The following OS9 variants were observed in gnomAD, a reference collection of about 807,000 sequenced individuals.
OS9 encodes the protein OS9 endoplasmic reticulum lectin.
In OS9, 58 loss-of-function variants were observed where a neutral mutation model predicts 84.7. That is an observed-to-expected ratio of 0.68 (90% CI 0.55 to 0.85). The LOEUF is 0.85. Ranked by LOEUF, OS9 falls within the 40% of genes least tolerant of loss-of-function variation. The pLI, the probability that OS9 is intolerant of heterozygous loss-of-function variation, is 0.00. For synonymous variants in OS9, 278 were observed against 320.8 expected, an observed-to-expected ratio of 0.87 and a Z score of 1.43; for missense variants, 760 against 850.9, an observed-to-expected ratio of 0.89 and a Z score of 1.33.
intron 5 of OS9, among the ~76,000 whole-genome samples, chr12:57,708,353 C>T (rs369233754): frequency 2.0e-5 from 3 of 151,848 alleles, no homozygotes; most frequent in East Asian, 3.9e-4. Flanking sequence ...TTACTTGGGC[C>T]AGGTGTGGTG....
intron 5 of OS9, 37 bp downstream of exon 5, chr12:57,696,410 G>GGACA (rs1351628237): frequency 5.7e-6 from 5 of 876,046 alleles, no homozygotes; most frequent in Non-Finnish European, 8.4e-6. Context: ...ACTCCCACAG[G>GGACA]GACAGTTCAG....
At chr12:57,695,692 G>A (rs1953805757) in intron 2 of OS9, 88 bp from the exon 3 acceptor site, 2 of 824,974 alleles carry the variant, frequency 2.4e-6, no homozygotes, top group Admixed American at 3.4e-5. Flanking sequence ...GTAGATGAGA[G>A]GTTATGTGTC....
intron 5 of OS9, among the ~76,000 whole-genome samples, chr12:57,702,659 A>T (rs566209482): frequency 5.3e-5 from 8 of 152,334 alleles, no homozygotes; most frequent in Admixed American, 5.2e-4. Flanking sequence ...ACTGTTTTCC[A>T]TAGCAGTTGC....
chr12:57,696,470 G>T (rs1953847493), intron 5 of OS9, 97 bp downstream of exon 5: 3 of 471,562 alleles, frequency 6.4e-6, no homozygotes, highest in East Asian at 7.1e-5. Flanking sequence ...GGGCGGGGGG[G>T]GTCCCCTCCC....
rs1282403097 is a variant in OS9, at chr12:57,720,121, C to A, written c.1623C>A (p.Val541=). The A allele has an allele frequency of 1.2e-6, 2 of 1,613,902 alleles. No homozygotes were observed. Among genetic ancestry groups the A allele is most frequent in the Non-Finnish European group, 1.7e-6 (2 of 1,180,008 alleles). ...AAGAGGAGGATCCTGAGCACAGAGT[C>A]CGGGTCCGGGTCACCAAGCTCCGTC... ...QPTEEDPEHR[V]RVRVTKLRLG... Residue 541 remains valine, a synonymous_variant, in exon 13 of 15, where the codon GTC becomes GTA. Coordinates refer to ENST00000315970, the MANE Select transcript of OS9 (RefSeq NM_006812.4).
Position 57,694,389 on chromosome 12 carries a change from G to A in OS9, c.162+66G>A, listed in dbSNP as rs1170767370. 29 of 1,535,112 alleles carry A rather than the reference G, an allele frequency of 1.9e-5. No individual in the cohort carries two copies. In the East Asian group the frequency reaches 6.5e-4, roughly 35 times the overall value. On this transcript the variant is annotated intron_variant, in intron 1 of 14. Transcript: ENST00000315970. ...AAGCGGGTAAGAGATAGAGGAAGAA[G>A]GGCAGCTCCGGAGTCTGGGGCTGGA...
chr12:57,696,532 A>T (rs1953850496), intron 5 of OS9, among the ~76,000 whole-genome samples, 159 bp downstream of exon 5: 1 of 151,812 alleles, frequency 6.6e-6, no homozygotes. Flanking sequence ...GCAGTGGCTT[A>T]TGCCTGTAAT....
chr12:57,716,139 G>A lies in OS9; in HGVS notation c.838G>A (p.Gly280Ser), dbSNP rs1954484465. 1 of 1,613,440 alleles carries A rather than the reference G, an allele frequency of 6.2e-7. No homozygotes were observed. Among genetic ancestry groups the A allele is most frequent in the Non-Finnish European group, 8.5e-7 (1 of 1,179,948 alleles). ...DKIIEELQDL[G>S]PQVWSETKSG... ...AATCATAGAGGAGCTGCAAGATCTA[G>A]GCCCCCAAGTGTGGAGTGAGACCAA... The change falls in exon 7 of 15, where the codon GGC becomes AGC. Residue 280 changes from glycine (G) to serine (S), a missense_variant. Gly to Ser is a moderately conservative substitution (Grantham distance 56). Coordinates refer to ENST00000315970, the MANE Select transcript of OS9 (RefSeq NM_006812.4).
At chr12:57,713,421 T>C (rs781077456) in intron 5 of OS9, among the ~76,000 whole-genome samples, 1 of 152,066 alleles carries the variant, frequency 6.6e-6, no homozygotes, top group Non-Finnish European at 1.5e-5. Flanking sequence ...CAACCTCTGC[T>C]CTCTCGGTTT....
Position 57,694,809 on chromosome 12 carries a change from C to T in OS9, c.222C>T (p.Arg74=), listed in dbSNP as rs147284809. 1.9e-6 allele frequency: 3 copies of T among 1,613,966 alleles called. No individual in the cohort carries two copies. The highest frequency in any genetic ancestry group is 2.2e-5 in the South Asian group (2 of 91,082). Residue 74 remains arginine (R), a synonymous_variant, in exon 2 of 15, where the codon CGC becomes CGT. Transcript: ENST00000315970. ...AGTACAAACAGCGCTATGAGTGTCG[C>T]CTGCCAGCTGGAGCTATTCACTTCC... ...SSKYKQRYEC[R]LPAGAIHFQR...
chr12:57,704,294 T>C (rs1954106190), intron 5 of OS9, among the ~76,000 whole-genome samples: 2 of 152,088 alleles, frequency 1.3e-5, no homozygotes, highest in Non-Finnish European at 2.9e-5. Context: ...CCCAGCACTT[T>C]GGGAGGCCAA....
chr12:57,695,067 C>T, intron 2 of OS9, 141 bp downstream of exon 2: 1 of 689,416 alleles, frequency 1.5e-6, no homozygotes, highest in East Asian at 2.7e-5. Flanking sequence ...ATTACACGGA[C>T]AGGAAAGAAG....
At chr12:57,715,686 A>G in intron 5 of OS9, 74 bp from the exon 6 acceptor site, 3 of 1,091,388 alleles carry the variant, frequency 2.7e-6, no homozygotes, top group Non-Finnish European at 4.0e-6. Flanking sequence ...GTGCTTAGTA[A>G]AAGACACCTG....
intron 5 of OS9, 127 bp downstream of exon 5, chr12:57,696,500 T>A: frequency 1.8e-6 from 1 of 561,624 alleles, no homozygotes. Flanking sequence ...ATCCAAAGTT[T>A]AAAACATATT....
intron 14 of OS9, 62 bp downstream of exon 14, chr12:57,720,580 GC>G: frequency 1.5e-6 from 2 of 1,374,442 alleles, no homozygotes; most frequent in Non-Finnish European, 2.1e-6. Flanking sequence ...GTGCGGGCTT[GC>G]CCCAGCCACG....
At chr12:57,707,656 C>T (rs917451991) in intron 5 of OS9, among the ~76,000 whole-genome samples, 5 of 152,186 alleles carry the variant, frequency 3.3e-5, no homozygotes, top group Non-Finnish European at 7.3e-5. Context: ...GCCTTGGCTT[C>T]CTAAAGTGCT....
At chr12:57,714,763 T>G (rs1457053504) in intron 5 of OS9, among the ~76,000 whole-genome samples, 2 of 152,222 alleles carry the variant, frequency 1.3e-5, no homozygotes, top group African/African-American at 4.8e-5. Context: ...ACCTCGCTAA[T>G]TTTTAAAAAT....
Position 57,720,502 on chromosome 12 carries a change from T to A in OS9, c.1862T>A (p.Ile621Asn), listed in dbSNP as rs773307060. The A allele has an allele frequency of 4.3e-6, 7 of 1,609,718 alleles. No homozygotes were observed. In the African/African-American group the frequency reaches 8.0e-5, roughly 18 times the overall value. The change falls in exon 14 of 15, where the codon ATC (isoleucine) becomes AAC (asparagine). Residue 621 changes from isoleucine (I) to asparagine (N), a missense_variant. Physicochemically the swap from Ile to Asn is moderately radical, Grantham distance 149. Transcript: ENST00000315970. Reference protein sequence around the residue: ...TDEDTRNLKEIFFNILVPGAE... With the variant: ...TDEDTRNLKENFFNILVPGAE... ...GAGGACACGAGAAACCTCAAGGAGA[T>A]CTTCTTCAATATCTTGGTAAGAGGC...
At chr12:57,695,425 G>A (rs1031711594) in intron 2 of OS9, 2 of 466,740 alleles carry the variant, frequency 4.3e-6, no homozygotes, top group East Asian at 5.2e-5. Flanking sequence ...TGTTCAAGAA[G>A]TTCAATTAAT....
Sources: allele counts gnomAD v4.1 joint callset (sites outside exome capture counted in the v4.1 genomes callset), GRCh38; gene constraint gnomAD v4.1.1; transcripts MANE v1.5; gene names NCBI Gene and HGNC (gene_info 2026-07-23, HGNC 2026-07-21).